The following KANK1 variants were observed in gnomAD, a reference collection of about 807,000 sequenced individuals.
KANK1 encodes the protein KN motif and ankyrin repeat domains 1, also known as KN motif and ankyrin repeat domain-containing protein 1.
KANK1 carries 109 observed loss-of-function variants against 106.2 expected under a neutral mutation model. The ratio of observed to expected loss-of-function variants is 1.03; its 90% confidence interval spans 0.88 to 1.20. The LOEUF (loss-of-function observed/expected upper bound fraction) is 1.20, where lower values mean the gene tolerates loss of function less well. Among genes scored for constraint, KANK1 ranks in the 50% most tolerant of loss-of-function variants. KANK1 has a pLI of 0.00. For missense variants in KANK1, 2,399 were observed against 1,710.7 expected (o/e 1.40, Z -7.10); for synonymous variants, 873 against 652.2 (o/e 1.34, Z -5.16).
intron 1 of KANK1, among the ~76,000 whole-genome samples, chr9:675,190 T>C (rs1373764577): frequency 6.6e-6 from 1 of 152,346 alleles, no homozygotes; most frequent in South Asian, 2.1e-4. Flanking sequence ...TATACAGTTT[T>C]GTTTTTCTTT....
intron 1 of KANK1, among the ~76,000 whole-genome samples, chr9:535,261 C>G (rs955576773): frequency 1.3e-5 from 2 of 152,290 alleles, no homozygotes; most frequent in East Asian, 1.9e-4. Context: ...CAAACCTTGC[C>G]TTTGATGTAT....
In KANK1 at chr9:661,836, A is replaced by G. The variant is rs530328891; in HGVS notation, c.-83-15054A>G. ...GCCATTCTAACTGGTGTGAGATGGTATCTCATTGTGGTTTTGATTTGCATT... is the reference window on the plus strand; with the variant it reads ...GCCATTCTAACTGGTGTGAGATGGTGTCTCATTGTGGTTTTGATTTGCATT... On this transcript the variant is annotated intron_variant, in intron 1 of 11. Coordinates refer to ENST00000382297, the MANE Select transcript of KANK1 (RefSeq NM_015158.5). Among the ~76,000 whole-genome samples the G allele has an allele frequency of 8.6e-5, 13 of 151,646 alleles. No homozygotes were observed. In the South Asian group the frequency reaches 2.7e-3, roughly 32 times the overall value.
chr9:572,426 C>A (rs2134899267), intron 1 of KANK1, among the ~76,000 whole-genome samples: 1 of 152,162 alleles, frequency 6.6e-6, no homozygotes, highest in African/African-American at 2.4e-5. Flanking sequence ...GTAGTGGGTT[C>A]CTGTAGTCCC....
intron 1 of KANK1, among the ~76,000 whole-genome samples, chr9:614,252 C>T (rs16921135): frequency 0.32 from 49,327 of 151,978 alleles, 8,976 homozygotes; most frequent in African/African-American, 0.48. Flanking sequence ...GATAATTTTT[C>T]GACCCTCAGT....
chr9:487,515 C>G (rs985992419), intron 3 of KANK1, among the ~76,000 whole-genome samples: 1 of 152,114 alleles, frequency 6.6e-6, no homozygotes, highest in Non-Finnish European at 1.5e-5. Flanking sequence ...ATAACCTCAT[C>G]GTAAGTTGGG....
intron 1 of KANK1, among the ~76,000 whole-genome samples, chr9:595,601 C>A (rs1260056253): frequency 6.6e-6 from 1 of 151,892 alleles, no homozygotes; most frequent in Non-Finnish European, 1.5e-5. Flanking sequence ...TCATTGCTTA[C>A]TGAAGCCTCA....
chr9:667,855 C>T (rs780164616), intron 1 of KANK1, among the ~76,000 whole-genome samples: 4 of 151,816 alleles, frequency 2.6e-5, no homozygotes, highest in Non-Finnish European at 4.4e-5. Context: ...CCTCAGCCTC[C>T]CAAGTAGCTG....
At chr9:478,871 A>G (rs969079565) in intron 3 of KANK1, among the ~76,000 whole-genome samples, 1 of 151,870 alleles carries the variant, frequency 6.6e-6, no homozygotes, top group African/African-American at 2.4e-5. Flanking sequence ...TGACCCCATT[A>G]TATGAAGAAG....
chr9:644,362 C>T (rs999337851), intron 1 of KANK1, among the ~76,000 whole-genome samples: 5 of 150,854 alleles, frequency 3.3e-5, no homozygotes, highest in Admixed American at 1.3e-4. Context: ...TTAATTAGTC[C>T]GTTCTCTCAC....
At chr9:676,555 A>G (rs1816450591) in intron 1 of KANK1, among the ~76,000 whole-genome samples, 1 of 152,236 alleles carries the variant, frequency 6.6e-6, no homozygotes, top group Non-Finnish European at 1.5e-5. Context: ...TATGCTTAAA[A>G]ACCAAAAATA....
intron 1 of KANK1, among the ~76,000 whole-genome samples, chr9:527,927 T>G (rs2059870835): frequency 6.6e-6 from 1 of 151,712 alleles, no homozygotes; most frequent in South Asian, 2.1e-4. Flanking sequence ...GTCAGGAGAT[T>G]GAGACCATCC....
chr9:558,386 A>T (rs376227873), intron 1 of KANK1, among the ~76,000 whole-genome samples: 1 of 152,256 alleles, frequency 6.6e-6, no homozygotes, highest in Non-Finnish European at 1.5e-5. Flanking sequence ...GGAACAATAC[A>T]GAGTTAGATT....
chr9:672,797 G>A (rs1301994916), intron 1 of KANK1, among the ~76,000 whole-genome samples: 1 of 152,150 alleles, frequency 6.6e-6, no homozygotes, highest in Non-Finnish European at 1.5e-5. Flanking sequence ...ACTAAAACAT[G>A]CATCAGCATC....
chr9:671,069 G>T (rs1384915029), intron 1 of KANK1, among the ~76,000 whole-genome samples: 2 of 147,714 alleles, frequency 1.4e-5, no homozygotes, highest in Admixed American at 1.4e-4. Context: ...ATTTATTTTG[G>T]TTATTCTGTG....
chr9:644,178 C>G (rs1381454821), intron 1 of KANK1, among the ~76,000 whole-genome samples: 1 of 150,920 alleles, frequency 6.6e-6, no homozygotes, highest in Non-Finnish European at 1.5e-5. Flanking sequence ...ACAGAGGAAG[C>G]AGAAGTAGAG....
intron 11 of KANK1, 52 bp from the exon 12 acceptor site, chr9:745,121 C>T: frequency 6.2e-7 from 1 of 1,603,394 alleles, no homozygotes; most frequent in Non-Finnish European, 8.5e-7. Flanking sequence ...GGGTACACAT[C>T]TGCCTGAGGT....
chr9:712,531 T>C lies in KANK1; in HGVS notation c.1765T>C (p.Cys589Arg), dbSNP rs368227295. The C allele has an allele frequency of 5.6e-6, 9 of 1,613,972 alleles. No individual in the cohort carries two copies. The African/African-American group carries it at 1.2e-4, about 22-fold the overall frequency. ...DRCAGRSVEM[C>R]DKSVSVEVSV... Reference sequence around the variant, plus strand: ...ATGTGCTGGGAGGTCTGTGGAAATGTGTGACAAGAGTGTGAGTGTGGAAGT... The same window carrying C: ...ATGTGCTGGGAGGTCTGTGGAAATGCGTGACAAGAGTGTGAGTGTGGAAGT... The change falls in exon 3 of 12, where the codon TGT becomes CGT. Residue 589 changes from cysteine to arginine, a missense_variant. Cys to Arg is a radical substitution (Grantham distance 180). Transcript: ENST00000382297.
At chr9:564,967 G>A (rs1038701315) in intron 1 of KANK1, among the ~76,000 whole-genome samples, 1 of 152,236 alleles carries the variant, frequency 6.6e-6, no homozygotes, top group African/African-American at 2.4e-5. Context: ...AACAAAGAGT[G>A]TGTGCAGGGC....
At chr9:611,537 A>G (rs1269280632) in intron 1 of KANK1, among the ~76,000 whole-genome samples, 2 of 152,216 alleles carry the variant, frequency 1.3e-5, no homozygotes, top group African/African-American at 2.4e-5. Flanking sequence ...TGAGGAAGTT[A>G]CATTTCACTT....
Sources: allele counts gnomAD v4.1 joint callset (sites outside exome capture counted in the v4.1 genomes callset), GRCh38; gene constraint gnomAD v4.1.1; transcripts MANE v1.5; gene names NCBI Gene and HGNC (gene_info 2026-07-23, HGNC 2026-07-21).